The following KMT2D variants were observed in gnomAD, a reference collection of about 807,000 sequenced individuals.
KMT2D encodes lysine methyltransferase 2D, also known as histone-lysine N-methyltransferase 2D.
Under a neutral mutation model 512.7 loss-of-function variants are expected in KMT2D, and 55 were observed. The observed-to-expected ratio is 0.11, with a 90% confidence interval of 0.09 to 0.13. The LOEUF (loss-of-function observed/expected upper bound fraction) is 0.13, where lower values mean the gene tolerates loss of function less well. Ranked by LOEUF, KMT2D falls within the 10% of genes least tolerant of loss-of-function variation. The pLI is 1.00. For synonymous variants in KMT2D, 2,995 were observed against 2,904.0 expected (o/e 1.03, Z -1.01); for missense variants, 6,061 against 7,127.9 (o/e 0.85, Z 5.39).
chr12:49,056,263 C>T (rs1234807011), intron 1 of KMT2D, among the ~76,000 whole-genome samples: 1 of 152,166 alleles, frequency 6.6e-6, no homozygotes, highest in East Asian at 1.9e-4. Flanking sequence ...TAGCTTCCTT[C>T]CTCTTCCCTC....
rs753303439 is a variant in KMT2D at position 49,024,601 on chromosome 12, A to G, written c.16029T>C (p.Pro5343=). The change falls in exon 51 of 55, where the codon CCT becomes CCC. Residue 5343 remains proline, a synonymous_variant. Transcript: ENST00000301067. This position sits in a 1 kb window ranked among gnomAD's most constrained non-coding sequence, Gnocchi z 4.5. ...ACCGTTTGTAGTGTGTGAGGATTTT[A>G]GGCTCTGATCGGGCACAGCCAGTGG... ...INPTGCARSE[P]KILTHYKRPH... 1 of 1,613,240 alleles carries G rather than the reference A, an allele frequency of 6.2e-7. No homozygotes were observed. The highest frequency in any genetic ancestry group is 8.5e-7 in the Non-Finnish European group (1 of 1,179,526).
Position 49,027,059 on chromosome 12 carries a change from T to C in KMT2D, c.14907A>G (p.Glu4969=). 1 of 1,613,808 alleles carries C rather than the reference T, an allele frequency of 6.2e-7. No homozygotes were observed. Among genetic ancestry groups the C allele is most frequent in the Non-Finnish European group, 8.5e-7 (1 of 1,179,762 alleles). ...ARPKPRARPP[E]EGEDSRPPRL... Reference sequence around the variant, plus strand: ...GAGGAGGACGGGAATCTTCACCTTCTTCAGGGGGCCGGGCACGGGGCTTGG... The same window carrying C: ...GAGGAGGACGGGAATCTTCACCTTCCTCAGGGGGCCGGGCACGGGGCTTGG... Residue 4969 remains glutamate (E), a synonymous_variant, in exon 49 of 55, where the codon GAA becomes GAG. Transcript: ENST00000301067.
chr12:49,056,008 C>T (rs1165089471), intron 1 of KMT2D, among the ~76,000 whole-genome samples: 1 of 152,238 alleles, frequency 6.6e-6, no homozygotes, highest in African/African-American at 2.4e-5. Flanking sequence ...GACCAACCCC[C>T]GGCCCATGCC....
In KMT2D at chr12:49,034,950, A is replaced by G. The variant is rs1943142741; in HGVS notation, c.10232-15T>C. On this transcript the variant is annotated splice_polypyrimidine_tract_variant and intron_variant, in intron 35 of 54. Coordinates refer to ENST00000301067, the MANE Select transcript of KMT2D (RefSeq NM_003482.4). ...TTTGTCCAGGTCTGGAGAGGGGAGA[A>G]CCAAGTGAGCTGGGCTATGGGGCCA... is the stretch of plus-strand genomic sequence containing the variant. The G allele has an allele frequency of 1.2e-6, 2 of 1,613,698 alleles. No homozygotes were observed. The highest frequency in any genetic ancestry group is 1.7e-6 in the Non-Finnish European group (2 of 1,179,678).
chr12:49,028,724 C>G (rs2120384382), intron 46 of KMT2D, 104 bp downstream of exon 46: 3 of 1,430,208 alleles, frequency 2.1e-6, no homozygotes, highest in Non-Finnish European at 2.9e-6. Context: ...AATAGGTACT[C>G]AGTACATGTG....
At position 49,033,153 on chromosome 12, in the gene KMT2D, C is replaced by T. The variant is rs1381536562; in HGVS notation, c.11552G>A (p.Arg3851Lys). 6.4e-6 allele frequency: 10 copies of T among 1,550,520 alleles called. No individual in the cohort carries two copies. Among genetic ancestry groups the T allele is most frequent in the Non-Finnish European group, 8.7e-6 (10 of 1,146,528 alleles). ...CTGCTGCTGCTGGGCTGTGACCAGC[C>T]TGTGTCCCATAAGGCCCTGACCCTG... ...AQQGQGLMGH[R>K]LVTAQQQQQQ... is the part of the protein sequence containing the mutation. The change falls in exon 40 of 55, where the codon AGG (arginine) becomes AAG (lysine). Residue 3851 changes from arginine (R) to lysine (K), a missense_variant. Around this residue, in one of 16 missense-constraint regions of KMT2D, gnomAD observed 1,600 missense variants for 1,754.9 expected, o/e 0.91. Transcript: ENST00000301067.
In KMT2D at chr12:49,021,743, G is replaced by A. The variant is rs1286490857; in HGVS notation, c.*37C>T. 4 of 1,508,916 alleles carry A rather than the reference G, an allele frequency of 2.7e-6. No homozygotes were observed. In the African/African-American group the frequency reaches 5.5e-5, roughly 21 times the overall value. 93.5% of individuals were successfully genotyped at this position (1,508,916 alleles called of 1,614,324 possible). On this transcript the variant is annotated 3_prime_UTR_variant, in exon 55 of 55. Transcript: ENST00000301067. Reference sequence around the variant, plus strand: ...ATCCCTTTCAGGGAAGAGGTTGTGGGTAGGGGGACTCCCCTGCCTGGTAGC... The same window carrying A: ...ATCCCTTTCAGGGAAGAGGTTGTGGATAGGGGGACTCCCCTGCCTGGTAGC...
In KMT2D at chr12:49,037,835, GA is replaced by G; in HGVS notation, c.9520del (p.Ser3174LeufsTer23). ...CTTCTCAGCTGTGTGCCCACTGCTAGAAAATGGCCCTGTGCCCATCCGGGTA... is the reference window on the plus strand; with the variant it reads ...CTTCTCAGCTGTGTGCCCACTGCTAGAAATGGCCCTGTGCCCATCCGGGTA... The part of the protein sequence containing the change: ...RDTRMGTGPF[S>X]SSGHTAEKAS... On this transcript the variant is annotated frameshift_variant, in exon 35 of 55. Transcript: ENST00000301067. LOFTEE classifies it high-confidence loss of function. 1 of 1,597,266 alleles carries G rather than the reference GA, an allele frequency of 6.3e-7. No homozygotes were observed. Among genetic ancestry groups the G allele is most frequent in the Non-Finnish European group, 8.5e-7 (1 of 1,171,824 alleles).
Position 49,032,065 on chromosome 12 carries a change from A to G in KMT2D, c.12640T>C (p.Leu4214=). 6.2e-7 allele frequency: 1 copy of G among 1,612,974 alleles called. No homozygotes were observed. Among genetic ancestry groups the G allele is most frequent in the South Asian group, 1.1e-5 (1 of 90,948 alleles). ...VLAKNPQLRH[L]SPQQQQQLQA... Reference sequence around the variant, plus strand: ...AGCTGCTGCTGCTGCTGAGGACTTAAGTGCCGCAGCTGTGGGTTTTTGGCC... The same window carrying G: ...AGCTGCTGCTGCTGCTGAGGACTTAGGTGCCGCAGCTGTGGGTTTTTGGCC... The change falls in exon 40 of 55, where the codon TTA becomes CTA. Residue 4214 remains leucine (L), a synonymous_variant. Coordinates refer to ENST00000301067, the MANE Select transcript of KMT2D (RefSeq NM_003482.4).
rs2120508710 is a variant in KMT2D at position 49,039,064 on chromosome 12, G to C, written c.8367-75C>G. 1 of 1,520,554 alleles carries C rather than the reference G, an allele frequency of 6.6e-7. No homozygotes were observed. The highest frequency in any genetic ancestry group is 9.0e-7 in the Non-Finnish European group (1 of 1,109,224). The allele number at this position is 1,520,554 out of a possible 1,614,324, so 94.2% of individuals were successfully genotyped here. A position where few individuals can be genotyped will look rare whatever the true frequency, so the allele number is the denominator to read the frequency against. On this transcript the variant is annotated intron_variant, in intron 34 of 54. Transcript: ENST00000301067. The surrounding 1 kb of genome is among the most constrained non-coding windows in gnomAD (Gnocchi z 5.0). ...AAGAACATGGGCTTAGGGCAGTGAG[G>C]AAGGATAGAATTAATGCAGTGAGGG... is the stretch of plus-strand genomic sequence containing the variant.
Position 49,037,852 on chromosome 12 carries a change from C to T in KMT2D, c.9504G>A (p.Met3168Ile), listed in dbSNP as rs2120486542. 6.3e-7 allele frequency: 1 copy of T among 1,596,678 alleles called. No individual in the cohort carries two copies. The change falls in exon 35 of 55, where the codon ATG becomes ATA. Residue 3168 changes from methionine to isoleucine, a missense_variant. By Grantham distance (10) the Met-to-Ile change is conservative. This residue lies in a region of KMT2D where 533 missense variants were observed against 539.6 expected (regional missense o/e 0.99). Coordinates refer to ENST00000301067, the MANE Select transcript of KMT2D (RefSeq NM_003482.4). ...CACTGCTAGAAAATGGCCCTGTGCC[C>T]ATCCGGGTATCCCGGCTGCCCATCA... Reference protein sequence around the residue: ...QSMMGSRDTRMGTGPFSSSGH... With the variant: ...QSMMGSRDTRIGTGPFSSSGH...
intron 1 of KMT2D, among the ~76,000 whole-genome samples, chr12:49,056,301 G>A (rs532510717): frequency 1.3e-5 from 2 of 152,286 alleles, no homozygotes; most frequent in East Asian, 3.9e-4. Context: ...ACATACATGG[G>A]GGTGGGGAAT....
In KMT2D at chr12:49,037,777, A is replaced by G. The variant is rs2120485519; in HGVS notation, c.9579T>C (p.Ala3193=). Reference sequence around the variant, plus strand: ...TCAGTGGGCTGGGGGTCAGCAGGTGAGCTGGTGGTCCTCCCGTGGCCCCAA... The same window carrying G: ...TCAGTGGGCTGGGGGTCAGCAGGTGGGCTGGTGGTCCTCCCGTGGCCCCAA... ...ASFGATGGPP[A]HLLTPSPLSG... Residue 3193 remains alanine (A), a synonymous_variant, in exon 35 of 55, where the codon GCT becomes GCC. Transcript: ENST00000301067. 6.3e-7 allele frequency: 1 copy of G among 1,595,700 alleles called. No individual in the cohort carries two copies. Among genetic ancestry groups the G allele is most frequent in the Non-Finnish European group, 8.5e-7 (1 of 1,170,854 alleles).
chr12:49,056,615 TG>T (rs1938427266), intron 1 of KMT2D, among the ~76,000 whole-genome samples: 1 of 152,090 alleles, frequency 6.6e-6, no homozygotes, highest in Non-Finnish European at 1.5e-5. Context: ...GGTGGTGAGG[TG>T]GGGGAAATCC....
At position 49,042,616 on chromosome 12, in the gene KMT2D, T is replaced by G; in HGVS notation, c.5812A>C (p.Ser1938Arg). 1.2e-6 allele frequency: 2 copies of G among 1,613,814 alleles called. No homozygotes were observed. The highest frequency in any genetic ancestry group is 1.7e-5 in the Admixed American group (1 of 60,010). ...CCTGGGTAGGAGTCCATTGGGCTGC[T>G]GGAGGGCAGATTGCCCAAAGGGAGT... ...GGLPLGNLPS[S>R]SPMDSYPGLC... The change falls in exon 28 of 55, where the codon AGC (serine) becomes CGC (arginine). Residue 1938 changes from serine to arginine, a missense_variant. Coordinates refer to ENST00000301067, the MANE Select transcript of KMT2D (RefSeq NM_003482.4). The surrounding 1 kb of genome is among the most constrained non-coding windows in gnomAD (Gnocchi z 4.4).
chr12:49,028,904 A>G lies in KMT2D; in HGVS notation c.14306T>C (p.Leu4769Pro). 1 of 1,614,052 alleles carries G rather than the reference A, an allele frequency of 6.2e-7. No homozygotes were observed. Among genetic ancestry groups the G allele is most frequent in the Non-Finnish European group, 8.5e-7 (1 of 1,179,904 alleles). Residue 4769 changes from leucine to proline, a missense_variant, in exon 46 of 55, where the codon CTG becomes CCG. Transcript: ENST00000301067. ...GCCCTTTTCCCAAGTTGTGACAGGC[A>G]GCTTTCCAGGGACCTCCAGGCCAAG... ...GALGLEVPGK[L>P]PVTTWEKGKG...
intron 1 of KMT2D, among the ~76,000 whole-genome samples, chr12:49,055,611 C>T (rs1938362199): frequency 6.6e-6 from 1 of 152,224 alleles, no homozygotes; most frequent in Non-Finnish European, 1.5e-5. Flanking sequence ...CACTTCCAGG[C>T]TCCTCTGTAA....
At position 49,044,327 on chromosome 12, in the gene KMT2D, A is replaced by G. The variant is rs2120581461; in HGVS notation, c.5084-23T>C. On this transcript the variant is annotated intron_variant, in intron 21 of 54. Coordinates refer to ENST00000301067, the MANE Select transcript of KMT2D (RefSeq NM_003482.4). This position sits in a 1 kb window ranked among gnomAD's most constrained non-coding sequence, Gnocchi z 6.4. ...TGCCTATGAGGAGGCAGAGTTGTGG[A>G]TGAGAAGCCGCTGGGGGACCTATTG... 1 of 1,613,878 alleles carries G rather than the reference A, an allele frequency of 6.2e-7. No individual in the cohort carries two copies. The highest frequency in any genetic ancestry group is 8.5e-7 in the Non-Finnish European group (1 of 1,179,820).
Position 49,052,576 on chromosome 12 carries a change from C to T in KMT2D, c.1246G>A (p.Ala416Thr), listed in dbSNP as rs1411463611. ...PKEPGPLQCE[A>T]KPLGKAGVQL... is the part of the protein sequence containing the mutation. ...AAACCCTACTCACCTAGTGGTTTGG[C>T]TTCACATTGCAGGGGCCCTGGTTCC... is the stretch of plus-strand genomic sequence containing the variant. Residue 416 changes from alanine to threonine, a missense_variant, in exon 10 of 55, where the codon GCC becomes ACC. By Grantham distance (58) the Ala-to-Thr change is moderately conservative. Around this residue, in one of 16 missense-constraint regions of KMT2D, gnomAD observed 848 missense variants for 838.5 expected, o/e 1.01. Transcript: ENST00000301067. The T allele has an allele frequency of 6.2e-7, 1 of 1,613,200 alleles. No individual in the cohort carries two copies. Among genetic ancestry groups the T allele is most frequent in the East Asian group, 2.2e-5 (1 of 44,872 alleles).
Sources: allele counts gnomAD v4.1 joint callset (sites outside exome capture counted in the v4.1 genomes callset), GRCh38; gene constraint gnomAD v4.1.1; regional missense constraint gnomAD v4.1.1; non-coding constraint Gnocchi (gnomAD v3.1); transcripts MANE v1.5; gene names NCBI Gene and HGNC (gene_info 2026-07-23, HGNC 2026-07-21).